The following WWTR1 variants were observed in gnomAD, a reference collection of about 807,000 sequenced individuals.
WWTR1 encodes WW domain containing transcription regulator 1, also known as WW domain-containing transcription regulator protein 1.
A neutral mutation model predicts 40.1 loss-of-function variants in WWTR1; 13 were observed. That is an observed-to-expected ratio of 0.32 (90% CI 0.21 to 0.52). WWTR1 has a LOEUF of 0.52. Ranked by LOEUF, WWTR1 falls within the 20% of genes least tolerant of loss-of-function variation. WWTR1 has a pLI of 0.97. For missense variants in WWTR1, 436 were observed against 523.1 expected, an observed-to-expected ratio of 0.83 and a Z score of 1.63; for synonymous variants, 230 against 210.1, an observed-to-expected ratio of 1.09 and a Z score of -0.82.
chr3:149,558,002 CA>C (rs10554239), intron 3 of WWTR1, among the ~76,000 whole-genome samples: 11,122 of 82,908 alleles, frequency 0.13, 811 homozygotes, highest in East Asian at 0.43. Context: ...GGCTCCATCT[CA>C]AAAAAAAAAA....
chr3:149,520,562 C>A lies in WWTR1; in HGVS notation c.*243G>T, dbSNP rs1734995074. 1.1e-5 allele frequency: 4 copies of A among 361,710 alleles called. No homozygotes were observed. The highest frequency in any genetic ancestry group is 1.5e-5 in the Non-Finnish European group (3 of 204,806). 22.4% of individuals were successfully genotyped at this position (361,710 alleles called of 1,614,324 possible). A position where few individuals can be genotyped will look rare whatever the true frequency, so the allele number is the denominator to read the frequency against. On this transcript the variant is annotated 3_prime_UTR_variant, in exon 7 of 7. Transcript: ENST00000360632. ...CATAATCAATCCTGCAGACACAATTCTGTATAATCTGTCACAAGAACGCAG... is the reference window on the plus strand; with the variant it reads ...CATAATCAATCCTGCAGACACAATTATGTATAATCTGTCACAAGAACGCAG...
At chr3:149,662,848 C>T (rs1713643843), upstream of WWTR1, among the ~76,000 whole-genome samples, 1 of 152,164 alleles carries the variant, frequency 6.6e-6, no homozygotes, top group Non-Finnish European at 1.5e-5. Flanking sequence ...CAGGCTCTGA[C>T]CCAAGCATAT....
chr3:149,562,600 G>GACACAC (rs60366789), intron 3 of WWTR1, among the ~76,000 whole-genome samples: 115 of 135,880 alleles, frequency 8.5e-4, no homozygotes, highest in South Asian at 2.3e-3. Flanking sequence ...TTAAAATACA[G>GACACAC]ACACACACAC....
chr3:149,680,272 A>G (rs984037789), intron 1 of WWTR1, among the ~76,000 whole-genome samples: 1 of 152,224 alleles, frequency 6.6e-6, no homozygotes, highest in African/African-American at 2.4e-5. Flanking sequence ...GGCCGGGCAC[A>G]GTGGCTCATG....
chr3:149,687,893 A>G (rs992126959), intron 1 of WWTR1, among the ~76,000 whole-genome samples: 2 of 152,042 alleles, frequency 1.3e-5, no homozygotes, highest in African/African-American at 4.8e-5. Flanking sequence ...GGAGATACAA[A>G]GACCTGACAG....
chr3:149,623,695 T>G (rs1016116629), intron 2 of WWTR1, among the ~76,000 whole-genome samples: 3 of 152,208 alleles, frequency 2.0e-5, no homozygotes, highest in Admixed American at 2.0e-4. Context: ...AAGTGGAAAT[T>G]ATGTAATTGC....
intron 1 of WWTR1, among the ~76,000 whole-genome samples, chr3:149,679,008 T>C (rs1714367387): frequency 6.6e-6 from 1 of 152,162 alleles, no homozygotes; most frequent in Non-Finnish European, 1.5e-5. Context: ...TTTTTGTATT[T>C]TTAGTAGAAA....
At chr3:149,657,353 G>A (rs1202472690) in intron 1 of WWTR1, 44 bp from the exon 2 acceptor site, 5 of 1,556,980 alleles carry the variant, frequency 3.2e-6, no homozygotes, top group Non-Finnish European at 4.3e-6. Flanking sequence ...AAAGTCGGAG[G>A]AAGTGGGTAA....
intron 6 of WWTR1, 76 bp from the exon 7 acceptor site, chr3:149,521,065 A>C: frequency 1.4e-6 from 2 of 1,457,420 alleles, no homozygotes; most frequent in Non-Finnish European, 1.8e-6. Context: ...AAGTATTTAC[A>C]TAACCCTCAC....
chr3:149,622,509 GAAAGAAAGA>G (rs1553800298), intron 2 of WWTR1, among the ~76,000 whole-genome samples: 12 of 139,192 alleles, frequency 8.6e-5, no homozygotes, highest in South Asian at 2.2e-4. Flanking sequence ...AAGGAAGAAA[GAAAGAAAGA>G]AAGAAAGAAA....
intron 2 of WWTR1, among the ~76,000 whole-genome samples, chr3:149,611,934 TG>T (rs2108068918): frequency 6.6e-6 from 1 of 152,346 alleles, no homozygotes; most frequent in African/African-American, 2.4e-5. Context: ...TTTACATTAT[TG>T]CCTAGACTTA....
chr3:149,707,735 T>C (rs1436045713), upstream of WWTR1, among the ~76,000 whole-genome samples: 1 of 152,116 alleles, frequency 6.6e-6, no homozygotes, highest in African/African-American at 2.4e-5. Flanking sequence ...CCAGTCACCC[T>C]TTCAGGAGGC....
At chr3:149,715,079 A>T (rs560937660) in intron 5 of WWTR1, among the ~76,000 whole-genome samples, 80 of 152,314 alleles carry the variant, frequency 5.3e-4, no homozygotes, top group African/African-American at 1.9e-3. Context: ...CTGTTTCTCA[A>T]TAAAGCTCCT....
intron 2 of WWTR1, among the ~76,000 whole-genome samples, chr3:149,593,086 T>C (rs1209643138): frequency 6.6e-6 from 1 of 152,136 alleles, no homozygotes; most frequent in East Asian, 1.9e-4. Flanking sequence ...GTGATCTGAT[T>C]TAGGCTGGGC....
chr3:149,621,554 C>A (rs1020941366), intron 2 of WWTR1, among the ~76,000 whole-genome samples: 2 of 151,986 alleles, frequency 1.3e-5, no homozygotes, highest in Non-Finnish European at 2.9e-5. Context: ...ATCAAGGTAA[C>A]CAGGTGCAAC....
intron 1 of WWTR1, chr3:149,703,039 C>T (rs1378771193): frequency 6.6e-6 from 1 of 152,226 alleles, no homozygotes; most frequent in Non-Finnish European, 1.5e-5. Flanking sequence ...TATCTTGTTA[C>T]TCTCCACCCC....
chr3:149,558,174 T>G (rs893505668), intron 3 of WWTR1, among the ~76,000 whole-genome samples: 9 of 152,084 alleles, frequency 5.9e-5, no homozygotes, highest in African/African-American at 2.2e-4. Context: ...CCTGCCAGTC[T>G]AGGACTCAGA....
At chr3:149,663,081 G>A (rs1217977136) in intron 2 of WWTR1, among the ~76,000 whole-genome samples, 1 of 152,066 alleles carries the variant, frequency 6.6e-6, no homozygotes, top group Non-Finnish European at 1.5e-5. Context: ...CACCCAGGCT[G>A]GAGTGCAATG....
At chr3:149,673,477 A>G (rs1406056186) in intron 1 of WWTR1, among the ~76,000 whole-genome samples, 1 of 152,186 alleles carries the variant, frequency 6.6e-6, no homozygotes, top group Non-Finnish European at 1.5e-5. Flanking sequence ...TAGAGGGATC[A>G]TTCACACTGC....
Sources: allele counts gnomAD v4.1 joint callset (sites outside exome capture counted in the v4.1 genomes callset), GRCh38; gene constraint gnomAD v4.1.1; transcripts MANE v1.5; gene names NCBI Gene and HGNC (gene_info 2026-07-23, HGNC 2026-07-21).